PDZD2: variants seen among roughly 807,000 people sequenced by gnomAD.
The protein encoded by PDZD2 is PDZ domain-containing protein 2.
In PDZD2, 90 loss-of-function variants were observed where a neutral mutation model predicts 220.7. The ratio of observed to expected loss-of-function variants is 0.41; its 90% CI spans 0.34 to 0.49. The LOEUF (loss-of-function observed/expected upper bound fraction) is 0.49. PDZD2 is among the 20% of genes least tolerant of loss of function. The probability of loss-of-function intolerance (pLI) is 0.28; values close to 1 mark genes in which losing one functional copy is unlikely to be tolerated. For synonymous variants in PDZD2, 1,375 were observed against 1,450.5 expected, an observed-to-expected ratio of 0.95 and a Z score of 1.18; for missense variants, 3,174 against 3,608.5, an observed-to-expected ratio of 0.88 and a Z score of 3.08.
At chr5:31,920,647 CA>C (rs1370328039) in intron 2 of PDZD2, among the ~76,000 whole-genome samples, 4 of 150,064 alleles carry the variant, frequency 2.7e-5, no homozygotes, top group South Asian at 2.1e-4. Context: ...CTCTAAAAAA[CA>C]ATTTTTTTTT....
intron 1 of PDZD2, among the ~76,000 whole-genome samples, chr5:31,676,042 T>A (rs1746400207): frequency 1.3e-5 from 2 of 152,210 alleles, no homozygotes; most frequent in Admixed American, 1.3e-4. Flanking sequence ...AAAAACTTAG[T>A]TGAGCGCTCT....
chr5:31,735,032 T>C, intron 1 of PDZD2, among the ~76,000 whole-genome samples: 1 of 152,220 alleles, frequency 6.6e-6, no homozygotes, highest in East Asian at 1.9e-4. Flanking sequence ...AGGTTCTGAC[T>C]ACATAAAGAG....
intron 3 of PDZD2, among the ~76,000 whole-genome samples, chr5:31,991,409 A>C (rs1751199949): frequency 6.6e-6 from 1 of 152,170 alleles, no homozygotes; most frequent in African/African-American, 2.4e-5. Context: ...CTCGTGGTTC[A>C]GATGTGGGAG....
chr5:31,828,190 T>C lies in PDZD2; in HGVS notation c.476+28466T>C, dbSNP rs142290695. On this transcript the variant is annotated intron_variant, in intron 2 of 24. Coordinates refer to ENST00000438447, the MANE Select transcript of PDZD2 (RefSeq NM_178140.4). ...GCTTTTGTGTGAGTATGTTTTCAGT[T>C]CTGTTGGATATATATGTAAGAATGG... Among the ~76,000 whole-genome samples the C allele has an allele frequency of 5.6e-3, 847 of 152,372 alleles. 3 individuals carry two copies. Among genetic ancestry groups the C allele is most frequent in the Non-Finnish European group, 9.5e-3 (644 of 68,042 alleles).
intron 2 of PDZD2, among the ~76,000 whole-genome samples, chr5:31,911,438 G>A (rs1743195109): frequency 6.6e-6 from 1 of 152,208 alleles, no homozygotes; most frequent in South Asian, 2.1e-4. Context: ...CCACCATGTG[G>A]CTTCACTGGG....
Position 31,810,323 on chromosome 5 carries a change from C to T in PDZD2, c.476+10599C>T, listed in dbSNP as rs11951194. 2.5e-3 allele frequency among the ~76,000 whole-genome samples: 369 copies of T among 145,684 alleles called. 1 individual carries two copies. The highest frequency in any genetic ancestry group is 8.9e-3 in the African/African-American group (351 of 39,324). On this transcript the variant is annotated intron_variant, in intron 2 of 24. Transcript: ENST00000438447. ...TGTCGCCCAGGCTGGAGTGCAGTGG[C>T]GCGATCTCCGCTCACTGCAACCTCC...
At chr5:32,056,013 CAT>C (rs1355434524) in intron 10 of PDZD2, among the ~76,000 whole-genome samples, 1 of 152,150 alleles carries the variant, frequency 6.6e-6, no homozygotes, top group African/African-American at 2.4e-5. Flanking sequence ...AGCGTTTTTT[CAT>C]ATGTGTTCAT....
rs1738682864 is a variant in PDZD2 at position 32,052,683 on chromosome 5, C to T, written c.1738C>T (p.Arg580Trp). ...TQVESPWRLI[R>W]PSVISIIGLY... ...GGTGGAATCTCCTTGGAGGCTCATT[C>T]GGCCATCCGTCATCTCGATCATTGG... Residue 580 changes from arginine to tryptophan, a missense_variant, in exon 9 of 25, where the codon CGG becomes TGG. Physicochemically the swap from Arg to Trp is moderately radical, Grantham distance 101. This residue lies in a region of PDZD2 where 50 missense variants were observed against 109.5 expected (regional missense o/e 0.46). Coordinates refer to ENST00000438447, the MANE Select transcript of PDZD2 (RefSeq NM_178140.4). 1.2e-6 allele frequency: 2 copies of T among 1,613,796 alleles called. No individual in the cohort carries two copies. Among genetic ancestry groups the T allele is most frequent in the African/African-American group, 1.3e-5 (1 of 75,060 alleles).
chr5:31,847,653 C>T lies in PDZD2; in HGVS notation c.476+47929C>T, dbSNP rs183620860. ...AAGTGGTGGTGACTGGAGATGAATACAATGTGGAAAGCATTGATGGCCAGC... is the reference window on the plus strand; with the variant it reads ...AAGTGGTGGTGACTGGAGATGAATATAATGTGGAAAGCATTGATGGCCAGC... On this transcript the variant is annotated intron_variant, in intron 2 of 24. Transcript: ENST00000438447. 1.1e-3 allele frequency: 677 copies of T among 615,344 alleles called. 3 individuals carry two copies. The highest frequency in any genetic ancestry group is 1.0e-2 in the African/African-American group (545 of 54,758). 38.1% of individuals were successfully genotyped at this position (615,344 alleles called of 1,614,324 possible).
At chr5:31,848,971 C>A (rs558725343) in intron 2 of PDZD2, among the ~76,000 whole-genome samples, 1 of 152,208 alleles carries the variant, frequency 6.6e-6, no homozygotes, top group South Asian at 2.1e-4. Flanking sequence ...ATGGCGTGAA[C>A]CCAGGAGGTG....
intron 6 of PDZD2, among the ~76,000 whole-genome samples, chr5:32,030,093 A>C (rs571433277): frequency 5.7e-4 from 87 of 152,344 alleles, no homozygotes; most frequent in African/African-American, 2.0e-3. Context: ...AAAGGGCTTC[A>C]TGGCGTGCTG....
intron 2 of PDZD2, among the ~76,000 whole-genome samples, chr5:31,913,587 A>G (rs546813530): frequency 1.3e-5 from 2 of 152,276 alleles, no homozygotes; most frequent in East Asian, 3.9e-4. Context: ...AGAAGCCATG[A>G]ACCTACTGGG....
rs146999262 is a variant in PDZD2, at chr5:31,911,425, ATGCCACCATG to A, written c.477-71727_477-71718del. On this transcript the variant is annotated intron_variant, in intron 2 of 24. Coordinates refer to ENST00000438447, the MANE Select transcript of PDZD2 (RefSeq NM_178140.4). Reference sequence around the variant, plus strand: ...CATCGCTAAAGCTTCTGTTCTGTGGATGCCACCATGTGGCTTCACTGGGCATACAGAACTG... The same window carrying A: ...CATCGCTAAAGCTTCTGTTCTGTGGATGGCTTCACTGGGCATACAGAACTG... Among the ~76,000 whole-genome samples, 345 of 152,334 alleles carry A rather than the reference ATGCCACCATG, an allele frequency of 2.3e-3. 1 individual carries two copies. The highest frequency in any genetic ancestry group is 8.1e-3 in the African/African-American group (335 of 41,580).
At chr5:31,640,158 A>C (rs1744894324) in intron 1 of PDZD2, among the ~76,000 whole-genome samples, 2 of 152,036 alleles carry the variant, frequency 1.3e-5, no homozygotes, top group Non-Finnish European at 2.9e-5. Flanking sequence ...CTATTTGGAA[A>C]ATCCATTAAA....
chr5:31,866,467 C>A (rs748247235), intron 2 of PDZD2, among the ~76,000 whole-genome samples: 4 of 152,126 alleles, frequency 2.6e-5, no homozygotes, highest in Non-Finnish European at 4.4e-5. Flanking sequence ...GTGGGTATGA[C>A]CCCCTGCAGA....
chr5:32,053,585 G>A (rs948139598), intron 9 of PDZD2, among the ~76,000 whole-genome samples, 184 bp from the exon 10 acceptor site: 2 of 152,196 alleles, frequency 1.3e-5, no homozygotes, highest in African/African-American at 4.8e-5. Flanking sequence ...AGGGGAATAA[G>A]GAAGAGAACA....
chr5:32,031,823 G>A (rs903513036), intron 6 of PDZD2, among the ~76,000 whole-genome samples: 3 of 152,114 alleles, frequency 2.0e-5, no homozygotes, highest in African/African-American at 7.2e-5. Flanking sequence ...CAATTGCAAG[G>A]TATTTTTAAC....
At chr5:31,716,368 C>T (rs1278956401) in intron 1 of PDZD2, among the ~76,000 whole-genome samples, 1 of 152,042 alleles carries the variant, frequency 6.6e-6, no homozygotes, top group Non-Finnish European at 1.5e-5. Context: ...AAACAGAGGC[C>T]CAGAATGCCA....
intron 1 of PDZD2, among the ~76,000 whole-genome samples, chr5:31,696,298 C>T (rs1489934077): frequency 6.6e-6 from 1 of 152,082 alleles, no homozygotes; most frequent in Admixed American, 6.6e-5. Context: ...GGAGTTCTTC[C>T]ACACCTTTTT....
Sources: gnomAD v4.1 joint callset for allele counts (sites outside exome capture counted in the v4.1 genomes callset) on GRCh38, gnomAD v4.1.1 for gene constraint, gnomAD v4.1.1 regional missense constraint, MANE v1.5 for transcripts, NCBI Gene and HGNC (gene_info 2026-07-23, HGNC 2026-07-21) for gene names.